INSR: variants seen among roughly 807,000 people sequenced by gnomAD.
INSR encodes the protein insulin receptor.
A neutral mutation model predicts 142.6 loss-of-function variants in INSR; 67 were observed. The ratio of observed to expected loss-of-function variants is 0.47; its 90% confidence interval spans 0.39 to 0.58. INSR has a LOEUF of 0.58. Ranked by LOEUF, INSR falls within the 20% of genes least tolerant of loss-of-function variation. The probability of loss-of-function intolerance (pLI) is 0.00; values close to 1 mark genes in which losing one functional copy is unlikely to be tolerated. For missense variants in INSR, 1,248 were observed against 1,833.2 expected (o/e 0.68, Z 5.83); for synonymous variants, 756 against 743.1 (o/e 1.02, Z -0.28).
chr19:7,200,876 A>ACG (rs1396761299), intron 2 of INSR, among the ~76,000 whole-genome samples: 1 of 150,924 alleles, frequency 6.6e-6, no homozygotes. Flanking sequence ...AAAAAAAAAA[A>ACG]AAAAAGGCTG....
chr19:7,218,500 G>T lies in INSR; in HGVS notation c.653-33863C>A, dbSNP rs1189614579. On this transcript the variant is annotated intron_variant, in intron 2 of 21. Coordinates refer to ENST00000302850, the MANE Select transcript of INSR (RefSeq NM_000208.4). ...TTGCCTCTTGTTTTTTGTTTTGTTG[G>T]TTTTTTCTGTTTGTTTGTTTTGTTG... 7.2e-5 allele frequency among the ~76,000 whole-genome samples: 11 copies of T among 151,962 alleles called. No individual in the cohort carries two copies. The South Asian group carries it at 1.5e-3, about 20-fold the overall frequency.
Position 7,115,560 on chromosome 19 carries a change from T to C in INSR, c.*1496A>G, listed in dbSNP as rs1456613168. On this transcript the variant is annotated 3_prime_UTR_variant, in exon 22 of 22. Coordinates refer to ENST00000302850, the MANE Select transcript of INSR (RefSeq NM_000208.4). ...ACGTACTCTCAGTGCACCTCTCTCT[T>C]ACATTGCTTAGATGTTCCCAAAGTC... is the stretch of plus-strand genomic sequence containing the variant. 1 of 152,194 alleles carries C rather than the reference T, an allele frequency of 6.6e-6. No homozygotes were observed. Among genetic ancestry groups the C allele is most frequent in the Non-Finnish European group, 1.5e-5 (1 of 68,052 alleles). The allele number at this position is 152,194 out of a possible 1,614,324, so 9.4% of individuals were successfully genotyped here. A position where few individuals can be genotyped will look rare whatever the true frequency, so the allele number is the denominator to read the frequency against.
intron 2 of INSR, among the ~76,000 whole-genome samples, chr19:7,211,411 T>C (rs1975271207): frequency 1.3e-5 from 2 of 152,152 alleles, no homozygotes; most frequent in African/African-American, 4.8e-5. Flanking sequence ...GAGGTGACGC[T>C]GTCATCCCAC....
chr19:7,272,398 A>C (rs1967948098), intron 1 of INSR, among the ~76,000 whole-genome samples: 1 of 152,028 alleles, frequency 6.6e-6, no homozygotes, highest in Non-Finnish European at 1.5e-5. Context: ...CAGGTGGATC[A>C]CCTGAGGTCG....
At chr19:7,293,689 TG>T in intron 1 of INSR, 102 bp downstream of exon 1, 1 of 967,304 alleles carries the variant, frequency 1.0e-6, no homozygotes, top group Non-Finnish European at 1.3e-6. Flanking sequence ...CCCCCGCCCC[TG>T]GGGAGGGTTC....
At chr19:7,221,799 G>C (rs1489972656) in intron 2 of INSR, among the ~76,000 whole-genome samples, 1 of 151,690 alleles carries the variant, frequency 6.6e-6, no homozygotes, top group East Asian at 1.9e-4. Context: ...TTCTAGCTAT[G>C]TCCCCTTCTC....
chr19:7,170,207 T>C (rs1568461699), intron 6 of INSR, among the ~76,000 whole-genome samples: 1 of 151,930 alleles, frequency 6.6e-6, no homozygotes, highest in Non-Finnish European at 1.5e-5. Flanking sequence ...GTGAACCCTA[T>C]TGTGAACTGT....
chr19:7,197,932 T>A (rs1974826614), intron 2 of INSR, among the ~76,000 whole-genome samples: 2 of 147,182 alleles, frequency 1.4e-5, no homozygotes, highest in African/African-American at 2.6e-5. Context: ...TGTGTGTGTG[T>A]GTGTGTGTGT....
chr19:7,269,267 AAAC>A (rs1207225048), intron 1 of INSR, among the ~76,000 whole-genome samples: 3 of 151,900 alleles, frequency 2.0e-5, no homozygotes, highest in African/African-American at 7.3e-5. Flanking sequence ...AAATTAGAAA[AAAC>A]AATAACAACG....
chr19:7,248,785 T>C (rs1976614327), intron 2 of INSR, among the ~76,000 whole-genome samples: 1 of 110,342 alleles, frequency 9.1e-6, no homozygotes, highest in Non-Finnish European at 1.9e-5. Flanking sequence ...TGAGACGGAG[T>C]CTCACTCTGT....
chr19:7,205,257 T>A (rs1975077569), intron 2 of INSR, among the ~76,000 whole-genome samples: 1 of 152,198 alleles, frequency 6.6e-6, no homozygotes, highest in Non-Finnish European at 1.5e-5. Context: ...GAGAGAAATC[T>A]TTAGCACTGG....
intron 2 of INSR, among the ~76,000 whole-genome samples, chr19:7,238,844 G>T (rs1051847718): frequency 6.6e-6 from 1 of 150,918 alleles, no homozygotes; most frequent in Non-Finnish European, 1.5e-5. Context: ...CTTCCACTAT[G>T]TGTCCCCAAA....
intron 2 of INSR, among the ~76,000 whole-genome samples, chr19:7,194,678 AT>A (rs35692691): frequency 0.031 from 3,466 of 111,274 alleles, 122 homozygotes; most frequent in African/African-American, 0.084. Flanking sequence ...ACACCAACTG[AT>A]TTTTTTTTTT....
intron 7 of INSR, among the ~76,000 whole-genome samples, chr19:7,167,571 T>A (rs1452908979): frequency 8.3e-6 from 1 of 120,410 alleles, no homozygotes. Flanking sequence ...CAAGACTCTG[T>A]CTCAAAAAAA....
chr19:7,154,651 C>T (rs747272537), intron 9 of INSR, among the ~76,000 whole-genome samples: 4 of 150,306 alleles, frequency 2.7e-5, no homozygotes, highest in East Asian at 4.1e-4. Flanking sequence ...TGGCTGGGCG[C>T]GGTGGCTCAC....
At chr19:7,264,989 G>A (rs1967676623) in intron 2 of INSR, among the ~76,000 whole-genome samples, 1 of 152,140 alleles carries the variant, frequency 6.6e-6, no homozygotes, top group Non-Finnish European at 1.5e-5. Flanking sequence ...ACTCTGGGTG[G>A]CTTCCCCAGA....
intron 6 of INSR, among the ~76,000 whole-genome samples, chr19:7,169,656 T>C (rs1973969195): frequency 6.6e-6 from 1 of 150,964 alleles, no homozygotes; most frequent in South Asian, 2.1e-4. Flanking sequence ...TTTTCTGCAC[T>C]CCTAACTTCA....
At chr19:7,140,014 G>A (rs780903956) in intron 13 of INSR, among the ~76,000 whole-genome samples, 10 of 152,098 alleles carry the variant, frequency 6.6e-5, no homozygotes, top group Non-Finnish European at 1.3e-4. Context: ...TTTTAGCAGA[G>A]ACGGAGTTTC....
At chr19:7,241,944 G>A (rs1265376876) in intron 2 of INSR, among the ~76,000 whole-genome samples, 6 of 152,022 alleles carry the variant, frequency 3.9e-5, no homozygotes, top group Admixed American at 2.0e-4. Context: ...ATCACTGGAC[G>A]TCAGGAGTTC....
Sources: gnomAD v4.1 joint callset for allele counts (sites outside exome capture counted in the v4.1 genomes callset) on GRCh38, gnomAD v4.1.1 for gene constraint, MANE v1.5 for transcripts, NCBI Gene and HGNC (gene_info 2026-07-23, HGNC 2026-07-21) for gene names.